ELAC1: variants seen among roughly 807,000 people sequenced by gnomAD.
ELAC1 encodes the protein elaC ribonuclease Z 1.
A neutral mutation model predicts 25.8 loss-of-function variants in ELAC1; 19 were observed. That is an observed-to-expected ratio of 0.74 (90% confidence interval 0.51 to 1.08). The LOEUF (loss-of-function observed/expected upper bound fraction) is 1.08, where lower values mean the gene tolerates loss of function less well. Ranked by LOEUF, ELAC1 falls within the 50% of genes least tolerant of loss-of-function variation. The pLI, the probability that ELAC1 is intolerant of heterozygous loss-of-function variation, is 0.00. For missense variants in ELAC1, 403 were observed against 434.6 expected (o/e 0.93, Z 0.65); for synonymous variants, 148 against 160.9 (o/e 0.92, Z 0.61).
At chr18:50,985,843 T>TAAA (rs1908093859) in intron 3 of ELAC1, among the ~76,000 whole-genome samples, 2 of 152,060 alleles carry the variant, frequency 1.3e-5, no homozygotes, top group Non-Finnish European at 2.9e-5. Flanking sequence ...AATACGAGAT[T>TAAA]TAAGCCCACT....
chr18:50,969,896 A>G (rs1025319700), intron 1 of ELAC1: 3 of 152,232 alleles, frequency 2.0e-5, no homozygotes, highest in Admixed American at 2.0e-4. Flanking sequence ...GTTTAGGTCA[A>G]CCTGATCCAT....
chr18:50,979,642 G>A (rs867766004), intron 2 of ELAC1, among the ~76,000 whole-genome samples: 2 of 152,182 alleles, frequency 1.3e-5, no homozygotes, highest in African/African-American at 4.8e-5. Context: ...ATTGTAGGAC[G>A]TGAACACCAG....
chr18:50,981,843 C>CTTTTTT (rs750956755), intron 2 of ELAC1, among the ~76,000 whole-genome samples: 4 of 117,872 alleles, frequency 3.4e-5, no homozygotes, highest in Non-Finnish European at 3.6e-5. Context: ...TGCTATAGTT[C>CTTTTTT]TTTTTTTTTT....
At chr18:50,982,207 C>A (rs1907969985) in intron 2 of ELAC1, among the ~76,000 whole-genome samples, 1 of 152,018 alleles carries the variant, frequency 6.6e-6, no homozygotes, top group African/African-American at 2.4e-5. Flanking sequence ...GGCTTGGCAA[C>A]CCGGACAGGG....
chr18:50,977,283 T>G (rs556177075), intron 2 of ELAC1, among the ~76,000 whole-genome samples: 1 of 152,372 alleles, frequency 6.6e-6, no homozygotes, highest in South Asian at 2.1e-4. Context: ...GTAGAGGTTC[T>G]TTGTGAGGGC....
chr18:50,972,063 GT>G (rs11404046), intron 1 of ELAC1, among the ~76,000 whole-genome samples: 2 of 144,864 alleles, frequency 1.4e-5, no homozygotes, highest in Non-Finnish European at 1.5e-5. Flanking sequence ...TTTTTTTCAG[GT>G]TTTTTTTCTT....
rs375938250 is a variant in ELAC1 at position 50,972,567 on chromosome 18, C to T, written c.-8-1830C>T. Among the ~76,000 whole-genome samples, 22 of 152,188 alleles carry T rather than the reference C, an allele frequency of 1.4e-4. No individual in the cohort carries two copies. In the East Asian group the frequency reaches 1.9e-3, roughly 13 times the overall value. On this transcript the variant is annotated intron_variant, in intron 1 of 3. Transcript: ENST00000269466. ...TGCAATCTTGGCTCACTATGACTGC[C>T]GCCTCCCAGGTTCAAGCAATTCTGC...
chr18:50,977,655 A>G (rs1599146490), intron 2 of ELAC1, among the ~76,000 whole-genome samples: 2 of 152,200 alleles, frequency 1.3e-5, no homozygotes, highest in East Asian at 3.8e-4. Flanking sequence ...TGTCTTGGTG[A>G]TTAACATTTG....
At chr18:50,973,807 C>T (rs1219254717) in intron 1 of ELAC1, among the ~76,000 whole-genome samples, 3 of 151,574 alleles carry the variant, frequency 2.0e-5, no homozygotes, top group South Asian at 2.1e-4. Flanking sequence ...TGCATTAATG[C>T]GGTATATGTT....
chr18:50,972,086 T>TATATATA (rs1335775198), intron 1 of ELAC1, among the ~76,000 whole-genome samples: 1 of 150,822 alleles, frequency 6.6e-6, no homozygotes, highest in East Asian at 1.9e-4. Flanking sequence ...TCCTTTGACT[T>TATATATA]TATGAGTCTC....
chr18:50,971,285 C>T (rs563325357), intron 1 of ELAC1, among the ~76,000 whole-genome samples: 41 of 152,312 alleles, frequency 2.7e-4, no homozygotes, highest in Non-Finnish European at 4.7e-4. Flanking sequence ...ATAACTTTGT[C>T]ACCATTAGTT....
rs761152308 is a variant in ELAC1 at position 50,984,300 on chromosome 18, A to G, written c.362A>G (p.His121Arg). The change falls in exon 3 of 4, where the codon CAT (histidine) becomes CGT (arginine). Residue 121 changes from histidine (H) to arginine (R), a missense_variant. By Grantham distance (29) the His-to-Arg change is conservative (BLOSUM62 0). Transcript: ENST00000269466. ...HTELVFHYVVHELVPTADQCP... is the reference protein window; with the variant it reads ...HTELVFHYVVRELVPTADQCP... ...GAGCTGGTCTTCCATTATGTGGTTC[A>G]TGAACTGGTTCCTACAGCAGATCAA... 11 of 1,614,072 alleles carry G rather than the reference A, an allele frequency of 6.8e-6. No individual in the cohort carries two copies. Among genetic ancestry groups the G allele is most frequent in the Admixed American group, 1.7e-5 (1 of 60,002 alleles).
At chr18:50,982,667 C>T (rs1467357034) in intron 2 of ELAC1, among the ~76,000 whole-genome samples, 1 of 152,220 alleles carries the variant, frequency 6.6e-6, no homozygotes, top group Non-Finnish European at 1.5e-5. Flanking sequence ...AAGTTATAAC[C>T]TAAGCCAATA....
intron 2 of ELAC1, among the ~76,000 whole-genome samples, chr18:50,982,154 G>A (rs1213603656): frequency 4.6e-5 from 7 of 152,032 alleles, no homozygotes; most frequent in Admixed American, 4.6e-4. Context: ...CCCTATTGCT[G>A]TAGTTTTTTT....
In ELAC1 at chr18:50,971,908, G is replaced by GTATA. The variant is rs755062125; in HGVS notation, c.-8-2488_-8-2487insATAT. Among the ~76,000 whole-genome samples the GTATA allele has an allele frequency of 5.3e-3, 679 of 127,066 alleles. 9 individuals carry two copies. Among genetic ancestry groups the GTATA allele is most frequent in the African/African-American group, 0.021 (607 of 29,416 alleles). The allele number at this position is 127,066 out of a possible 152,430, so 83.4% of individuals were successfully genotyped here. A position where few individuals can be genotyped will look rare whatever the true frequency, so the allele number is the denominator to read the frequency against. On this transcript the variant is annotated intron_variant, in intron 1 of 3. Transcript: ENST00000269466. ...TATATATGTATATATGTGTGTGTGT[G>GTATA]TGTGTATATATATATATATATATAT... is the stretch of plus-strand genomic sequence containing the variant.
rs529041702 is a variant in ELAC1 at position 50,974,566 on chromosome 18, G to A, written c.157+5G>A. The A allele has an allele frequency of 8.1e-6, 13 of 1,613,570 alleles. No individual in the cohort carries two copies. Among genetic ancestry groups the A allele is most frequent in the Non-Finnish European group, 1.1e-5 (13 of 1,179,808 alleles). On this transcript the variant is annotated splice_donor_5th_base_variant and intron_variant, in intron 2 of 3. Transcript: ENST00000269466. ...TGAAAAGCCAACTTAAAGCAGGTTA[G>A]TGTGCCTTCAGCTATCTCATTAAGA... is the stretch of plus-strand genomic sequence containing the variant.
At chr18:50,981,880 C>T (rs1242837606) in intron 2 of ELAC1, among the ~76,000 whole-genome samples, 3 of 137,128 alleles carry the variant, frequency 2.2e-5, no homozygotes, top group South Asian at 2.4e-4. Context: ...GAGTTTCACT[C>T]TTGTTGCCCA....
intron 2 of ELAC1, 81 bp downstream of exon 2, chr18:50,974,642 T>G (rs1907756919): frequency 7.2e-7 from 1 of 1,382,972 alleles, no homozygotes. Context: ...ACATTTTGTT[T>G]AGAAACAGCC....
rs560160184 is a variant in ELAC1 at position 50,975,725 on chromosome 18, T to G, written c.157+1164T>G. On this transcript the variant is annotated intron_variant, in intron 2 of 3. Coordinates refer to ENST00000269466, the MANE Select transcript of ELAC1 (RefSeq NM_018696.3). ...GTGACTAAAGGAAAGATACTTCTAGTGTTCAGGGATCTCTTGGTCCAGTGA... is the reference window on the plus strand; with the variant it reads ...GTGACTAAAGGAAAGATACTTCTAGGGTTCAGGGATCTCTTGGTCCAGTGA... 3.9e-5 allele frequency among the ~76,000 whole-genome samples: 6 copies of G among 152,200 alleles called. No homozygotes were observed. In the South Asian group the frequency reaches 1.2e-3, roughly 32 times the overall value.
Sources: allele counts gnomAD v4.1 joint callset (sites outside exome capture counted in the v4.1 genomes callset), GRCh38; gene constraint gnomAD v4.1.1; transcripts MANE v1.5; gene names NCBI Gene and HGNC (gene_info 2026-07-23, HGNC 2026-07-21).